The following MAMSTR variants were observed in gnomAD, a reference collection of about 807,000 sequenced individuals.
The protein encoded by MAMSTR is MEF2 activating motif and SAP domain containing transcriptional regulator.
In MAMSTR, 41 loss-of-function variants were observed where a neutral mutation model predicts 42.7. The observed-to-expected ratio is 0.96, with a 90% CI of 0.75 to 1.25. MAMSTR has a LOEUF of 1.25. MAMSTR is among the 50% of genes most tolerant of loss of function. MAMSTR has a pLI of 0.00. For missense variants in MAMSTR, 567 were observed against 557.6 expected (o/e 1.02, Z -0.17); for synonymous variants, 265 against 244.1 (o/e 1.09, Z -0.80).
Position 48,713,129 on chromosome 19 carries a change from A to G in MAMSTR, c.*138T>C. 1 of 774,798 alleles carries G rather than the reference A, an allele frequency of 1.3e-6. No individual in the cohort carries two copies. Among genetic ancestry groups the G allele is most frequent in the Non-Finnish European group, 1.9e-6 (1 of 513,406 alleles). The allele number at this position is 774,798 out of a possible 1,614,324, so 48.0% of individuals were successfully genotyped here. On this transcript the variant is annotated 3_prime_UTR_variant, in exon 10 of 10. Transcript: ENST00000318083. The stretch of plus-strand genomic sequence containing the variant: ...GGCAGTTGCATGTCAGCAGCACTTC[A>G]GGAGGCAGGTGGGGTTGGAGGTTGT...
Position 48,713,294 on chromosome 19 carries a change from C to A in MAMSTR, c.1221G>T (p.Leu407=), listed in dbSNP as rs373915683. The change falls in exon 10 of 10, where the codon CTG becomes CTT. Residue 407 remains leucine (L), a synonymous_variant. Transcript: ENST00000318083. ...ADLSDSSSSR[L]WDLLEDPW ...ACCATGGATCCTCCAGCAGGTCCCA[C>A]AGCCGGCTGCTGCTGGAGTCAGATA... 9.4e-6 allele frequency: 15 copies of A among 1,603,478 alleles called. 3 individuals carry two copies. The highest frequency in any genetic ancestry group is 1.3e-5 in the African/African-American group (1 of 74,218).
At chr19:48,711,617 G>C (rs1296295347), downstream of MAMSTR, among the ~76,000 whole-genome samples, 1 of 152,104 alleles carries the variant, frequency 6.6e-6, no homozygotes, top group Non-Finnish European at 1.5e-5. Context: ...CTGTTGCCCA[G>C]GCTGGAGTGA....
At chr19:48,718,380 CTTTTTTTTTTT>C (rs796615883) in intron 2 of MAMSTR, among the ~76,000 whole-genome samples, 2 of 95,164 alleles carry the variant, frequency 2.1e-5, no homozygotes, top group East Asian at 2.9e-4. Flanking sequence ...TTGCACACTT[CTTTTTTTTTTT>C]TTTTTTTTTT....
intron 3 of MAMSTR, 25 bp downstream of exon 3, chr19:48,716,680 C>T: frequency 7.5e-7 from 1 of 1,331,820 alleles, no homozygotes; most frequent in Non-Finnish European, 9.7e-7. Context: ...GTCACCATCC[C>T]CTCCCTTTTG....
chr19:48,719,448 T>G lies in MAMSTR; in HGVS notation c.-22+231A>C, dbSNP rs1046408599. ...TCTGGAATCTTGAAGGAGAAGGAGGTTAAGGGCTGGAACTCAATACTCTTA... is the reference window on the plus strand; with the variant it reads ...TCTGGAATCTTGAAGGAGAAGGAGGGTAAGGGCTGGAACTCAATACTCTTA... On this transcript the variant is annotated intron_variant, in intron 1 of 9. Transcript: ENST00000318083. The surrounding 1 kb of genome is among the most constrained non-coding windows in gnomAD (Gnocchi z 4.4). Among the ~76,000 whole-genome samples, 1 of 151,508 alleles carries G rather than the reference T, an allele frequency of 6.6e-6. No homozygotes were observed. The highest frequency in any genetic ancestry group is 1.5e-5 in the Non-Finnish European group (1 of 67,838).
chr19:48,711,559 GTTGTTTGTTTGTTTGT>G (rs57913334), downstream of MAMSTR, among the ~76,000 whole-genome samples: 1 of 150,312 alleles, frequency 6.7e-6, no homozygotes, highest in East Asian at 2.0e-4. Context: ...GTGGGTTTTT[GTTGTTTGTTTGTTTGT>G]TTGTTTGTTT....
intron 7 of MAMSTR, 36 bp from the exon 8 acceptor site, chr19:48,714,081 T>C (rs1320644336): frequency 1.3e-6 from 2 of 1,528,996 alleles, no homozygotes; most frequent in Non-Finnish European, 1.8e-6. Context: ...CCATAAGCCA[T>C]GCCCACAGGG....
chr19:48,713,840 T>A lies in MAMSTR; in HGVS notation c.909+20A>T, dbSNP rs1418175753. 1 of 1,614,036 alleles carries A rather than the reference T, an allele frequency of 6.2e-7. No homozygotes were observed. The highest frequency in any genetic ancestry group is 2.2e-5 in the East Asian group (1 of 44,890). On this transcript the variant is annotated intron_variant, in intron 8 of 9. Transcript: ENST00000318083. ...ACCTGACTGGAGAACCCTAGCCGGA[T>A]TCAACCCACACCCTCTTACCTGCGC... is the stretch of plus-strand genomic sequence containing the variant.
Position 48,713,997 on chromosome 19 carries a change from C to G in MAMSTR, c.772G>C (p.Asp258His). 6.2e-7 allele frequency: 1 copy of G among 1,611,470 alleles called. No individual in the cohort carries two copies. Among genetic ancestry groups the G allele is most frequent in the Non-Finnish European group, 8.5e-7 (1 of 1,179,034 alleles). The change falls in exon 8 of 10, where the codon GAT (aspartate) becomes CAT (histidine). Residue 258 changes from aspartate (D) to histidine (H), a missense_variant. Physicochemically the swap from Asp to His is moderately conservative, Grantham distance 81. Coordinates refer to ENST00000318083, the MANE Select transcript of MAMSTR (RefSeq NM_001130915.2). ...GGAGCCGGAGCCGTCCCCGGGGTAT[C>G]CGCGGCACGTGGAAGAGGTGGCCTG... ...SHRPPLPRAADTPGTAPAPTP... is the reference protein window; with the variant it reads ...SHRPPLPRAAHTPGTAPAPTP...
rs761870992 is a variant in MAMSTR, at chr19:48,714,034, G to C, written c.735C>G (p.Ser245Arg). 11 of 1,594,352 alleles carry C rather than the reference G, an allele frequency of 6.9e-6. No individual in the cohort carries two copies. In the African/African-American group the frequency reaches 1.2e-4, roughly 17 times the overall value. Residue 245 changes from serine (S) to arginine (R), a missense_variant, in exon 8 of 10, where the codon AGC (serine) becomes AGG (arginine). Ser to Arg is a moderately radical substitution (Grantham distance 110). Coordinates refer to ENST00000318083, the MANE Select transcript of MAMSTR (RefSeq NM_001130915.2). The stretch of plus-strand genomic sequence containing the variant: ...GAAGAGGTGGCCTGTGAGATGCTGC[G>C]CTGGGCTTGACCTAGAGCAGCCAAG... ...AARRQGSVKP[S>R]AASHRPPLPR...
In MAMSTR at chr19:48,713,225, C is replaced by T. The variant is rs761990111; in HGVS notation, c.*42G>A. 1 of 1,527,958 alleles carries T rather than the reference C, an allele frequency of 6.5e-7. No individual in the cohort carries two copies. The highest frequency in any genetic ancestry group is 8.8e-7 in the Non-Finnish European group (1 of 1,139,118). 94.7% of individuals were successfully genotyped at this position (1,527,958 alleles called of 1,614,324 possible). The stretch of plus-strand genomic sequence containing the variant: ...CTCTCCTCCCACAAGGAGCTTCTCT[C>T]CACCCCCATCAGTTCTCTGTCTCTG... On this transcript the variant is annotated 3_prime_UTR_variant, in exon 10 of 10. Coordinates refer to ENST00000318083, the MANE Select transcript of MAMSTR (RefSeq NM_001130915.2).
chr19:48,715,446 C>A lies in MAMSTR; in HGVS notation c.241G>T (p.Glu81Ter). ...CAACGTTGGGAGATCTTGGGAGACT[C>A]CTGAAAGAGCAGGTGTGATGTTTTA... The part of the protein sequence containing the change: ...YCPPWRSPKK[E>*]SPKISQRWRE... Residue 81 changes from glutamate to a stop codon, truncating the protein, a stop_gained and splice_region_variant, in exon 5 of 10, where the codon GAG becomes TAG. Transcript: ENST00000318083. LOFTEE classifies it high-confidence loss of function. The A allele has an allele frequency of 6.7e-7, 1 of 1,487,952 alleles. No individual in the cohort carries two copies. Among genetic ancestry groups the A allele is most frequent in the South Asian group, 1.4e-5 (1 of 72,808 alleles). 92.2% of individuals were successfully genotyped at this position (1,487,952 alleles called of 1,614,324 possible).
Position 48,714,346 on chromosome 19 carries a change from G to A in MAMSTR, c.723+20C>T, listed in dbSNP as rs766930172. The stretch of plus-strand genomic sequence containing the variant: ...TTGCTTTCTCTTCATTGGTCCGCAA[G>A]CTCATAGCCCCGCCCTCACCGAGCC... On this transcript the variant is annotated intron_variant, in intron 7 of 9. Coordinates refer to ENST00000318083, the MANE Select transcript of MAMSTR (RefSeq NM_001130915.2). 1.5e-5 allele frequency: 21 copies of A among 1,356,680 alleles called. No homozygotes were observed. The South Asian group carries it at 3.7e-4, about 24-fold the overall frequency. 84.0% of individuals were successfully genotyped at this position (1,356,680 alleles called of 1,614,324 possible).
At chr19:48,710,682 C>T (rs976239452), downstream of MAMSTR, among the ~76,000 whole-genome samples, 13 of 150,396 alleles carry the variant, frequency 8.6e-5, no homozygotes, top group African/African-American at 2.7e-4. Context: ...CTGCAACCTC[C>T]ACCTCCCAGA....
At chr19:48,711,214 G>C (rs116589492), downstream of MAMSTR, among the ~76,000 whole-genome samples, 1,754 of 152,298 alleles carry the variant, frequency 0.012, 34 homozygotes, top group African/African-American at 0.039. Flanking sequence ...TTCTGCTCCT[G>C]GCTCTTGGAA....
At chr19:48,709,315 A>G (rs906326602), downstream of MAMSTR, among the ~76,000 whole-genome samples, 1 of 151,798 alleles carries the variant, frequency 6.6e-6, no homozygotes, top group Non-Finnish European at 1.5e-5. Flanking sequence ...CACCCGGCTA[A>G]TTTTGTATTT....
At chr19:48,713,662 G>A in intron 9 of MAMSTR, 54 bp downstream of exon 9, 1 of 1,610,970 alleles carries the variant, frequency 6.2e-7, no homozygotes, top group South Asian at 1.1e-5. Context: ...CTTGGACGCA[G>A]GAGTCCAGAA....
chr19:48,713,341 G>T lies in MAMSTR; in HGVS notation c.1174C>A (p.Pro392Thr), dbSNP rs1202571737. The T allele has an allele frequency of 3.1e-6, 5 of 1,608,842 alleles. No homozygotes were observed. The highest frequency in any genetic ancestry group is 4.2e-6 in the Non-Finnish European group (5 of 1,178,630). ...GATAAGTCAGCGGAGAAGATGCTGG[G>T]GGGTGGGGGACCAGAACCCAGAGGA... ...GPPLGSGPPP[P>T]SIFSADLSDS... is the part of the protein sequence containing the mutation. Residue 392 changes from proline (P) to threonine (T), a missense_variant, in exon 10 of 10, where the codon CCC becomes ACC. By Grantham distance (38) the Pro-to-Thr change is conservative. Transcript: ENST00000318083.
At chr19:48,714,945 A>G (rs1275618698) in intron 5 of MAMSTR, 37 bp from the exon 6 acceptor site, 1 of 1,405,582 alleles carries the variant, frequency 7.1e-7, no homozygotes, top group African/African-American at 1.4e-5. Context: ...AAGGTTAGAG[A>G]GGTAGAGGGG....
Sources: gnomAD v4.1 joint callset for allele counts (sites outside exome capture counted in the v4.1 genomes callset) on GRCh38, gnomAD v4.1.1 for gene constraint, Gnocchi (gnomAD v3.1) non-coding constraint, MANE v1.5 for transcripts, NCBI Gene and HGNC (gene_info 2026-07-23, HGNC 2026-07-21) for gene names.